Variants in JMJD1C observed in about 807,000 individuals in gnomAD.
JMJD1C encodes jumonji domain containing 1C.
JMJD1C carries 31 observed loss-of-function variants against 245.3 expected under a neutral mutation model. The observed-to-expected ratio is 0.13, with a 90% confidence interval of 0.09 to 0.17. The LOEUF is 0.17. JMJD1C is among the 10% of genes least tolerant of loss of function. The pLI, the probability that JMJD1C is intolerant of heterozygous loss-of-function variation, is 1.00. For synonymous variants in JMJD1C, 1,057 were observed against 1,017.4 expected (o/e 1.04, Z -0.74); for missense variants, 2,691 against 3,000.2 (o/e 0.90, Z 2.41).
At position 63,465,941 on chromosome 10, in the gene JMJD1C, G is replaced by A. The variant is rs1384531394; in HGVS notation, c.-279C>T. On this transcript the variant is annotated 5_prime_UTR_variant, in exon 1 of 26. Transcript: ENST00000399262. ...CAACGCGGCCGTCGAAGACCCCGAGGCAGCCCAGCCGCCGCCACCGCGCCG... is the reference window on the plus strand; with the variant it reads ...CAACGCGGCCGTCGAAGACCCCGAGACAGCCCAGCCGCCGCCACCGCGCCG... 1 of 555,242 alleles carries A rather than the reference G, an allele frequency of 1.8e-6. No individual in the cohort carries two copies. Among genetic ancestry groups the A allele is most frequent in the Admixed American group, 2.7e-5 (1 of 37,082 alleles). The allele number at this position is 555,242 out of a possible 1,614,324, so 34.4% of individuals were successfully genotyped here.
At chr10:63,253,991 T>G (rs1853485348) in intron 3 of JMJD1C, among the ~76,000 whole-genome samples, 1 of 152,198 alleles carries the variant, frequency 6.6e-6, no homozygotes, top group South Asian at 2.1e-4. Flanking sequence ...ATATATGAAT[T>G]AATGACTCTC....
Position 63,192,821 on chromosome 10 carries a change from A to C in JMJD1C, c.6076+117T>G. ...TGAACCTAACCCATAATTCAAGAAAAAGACCAAAGTAAATTGTTTACCTCA... is the reference window on the plus strand; with the variant it reads ...TGAACCTAACCCATAATTCAAGAAACAGACCAAAGTAAATTGTTTACCTCA... On this transcript the variant is annotated intron_variant, in intron 16 of 25. Coordinates refer to ENST00000399262, the MANE Select transcript of JMJD1C (RefSeq NM_032776.3). 9 of 778,046 alleles carry C rather than the reference A, an allele frequency of 1.2e-5. No homozygotes were observed. The South Asian group carries it at 1.5e-4, about 13-fold the overall frequency. 48.2% of individuals were successfully genotyped at this position (778,046 alleles called of 1,614,324 possible).
intron 1 of JMJD1C, among the ~76,000 whole-genome samples, chr10:63,383,275 T>G (rs1947353217): frequency 6.6e-6 from 1 of 151,502 alleles, no homozygotes; most frequent in Admixed American, 6.6e-5. Flanking sequence ...TCATTAAAGC[T>G]TATCTATTAG....
At chr10:63,331,560 T>C (rs1327057818) in intron 2 of JMJD1C, among the ~76,000 whole-genome samples, 1 of 152,244 alleles carries the variant, frequency 6.6e-6, no homozygotes, top group Non-Finnish European at 1.5e-5. Flanking sequence ...CCTCCATTTG[T>C]TTCTAGGGTG....
At chr10:63,256,297 T>A (rs1371945594) in intron 3 of JMJD1C, among the ~76,000 whole-genome samples, 2 of 152,196 alleles carry the variant, frequency 1.3e-5, no homozygotes, top group Non-Finnish European at 1.5e-5. Context: ...GCTCCTTTTT[T>A]AAATAGCAAC....
At chr10:63,226,734 A>AAG (rs1422661297) in intron 3 of JMJD1C, among the ~76,000 whole-genome samples, 3,907 of 143,916 alleles carry the variant, frequency 0.027, 120 homozygotes, top group African/African-American at 0.047. Flanking sequence ...AAAAAAAAAA[A>AAG]AGAGAGAGAG....
chr10:63,174,459 C>G (rs938111432), intron 24 of JMJD1C, among the ~76,000 whole-genome samples: 6 of 152,162 alleles, frequency 3.9e-5, no homozygotes, highest in African/African-American at 1.4e-4. Context: ...AAATTTACAG[C>G]ATACTCATAA....
intron 3 of JMJD1C, among the ~76,000 whole-genome samples, chr10:63,257,107 C>T (rs944728728): frequency 1.4e-4 from 21 of 151,298 alleles, no homozygotes; most frequent in African/African-American, 5.1e-4. Context: ...CGTGGTGGCT[C>T]GCACCTGTAG....
chr10:63,276,884 C>CTTTTTTT (rs760452367), intron 2 of JMJD1C, among the ~76,000 whole-genome samples: 56,496 of 95,634 alleles, frequency 0.59, 20,184 homozygotes, highest in African/African-American at 0.64. Flanking sequence ...AAGCTTGGGG[C>CTTTTTTT]TTTTTTTTTT....
intron 1 of JMJD1C, among the ~76,000 whole-genome samples, chr10:63,454,630 C>T (rs1006918059): frequency 5.9e-5 from 9 of 152,120 alleles, no homozygotes; most frequent in African/African-American, 1.4e-4. Flanking sequence ...AGGGTTTCAC[C>T]ATGTTGCCCA....
intron 2 of JMJD1C, among the ~76,000 whole-genome samples, chr10:63,321,895 C>T (rs1940916689): frequency 6.6e-6 from 1 of 152,184 alleles, no homozygotes; most frequent in South Asian, 2.1e-4. Context: ...TCAAAACAGC[C>T]TTTCTTCCAC....
At chr10:63,309,220 C>T (rs1259977511) in intron 2 of JMJD1C, among the ~76,000 whole-genome samples, 1 of 152,022 alleles carries the variant, frequency 6.6e-6, no homozygotes, top group African/African-American at 2.4e-5. Flanking sequence ...TCGCTGGGCA[C>T]GGGGGCTCAT....
intron 2 of JMJD1C, among the ~76,000 whole-genome samples, chr10:63,370,130 G>C (rs1946178900): frequency 6.6e-6 from 1 of 152,224 alleles, no homozygotes; most frequent in Admixed American, 6.5e-5. Context: ...ACAGGGAGAA[G>C]AGTCTGGACT....
At chr10:63,266,107 T>C (rs1391568036) in intron 2 of JMJD1C, among the ~76,000 whole-genome samples, 1 of 152,070 alleles carries the variant, frequency 6.6e-6, no homozygotes. Flanking sequence ...CTATGCTATC[T>C]ACATCATGAA....
intron 2 of JMJD1C, among the ~76,000 whole-genome samples, chr10:63,299,621 A>G (rs946649227): frequency 6.6e-6 from 1 of 152,152 alleles, no homozygotes; most frequent in African/African-American, 2.4e-5. Context: ...ATGCCCTACA[A>G]ATAATGTCAA....
Position 63,262,887 on chromosome 10 carries a change from T to C in JMJD1C, c.447+1764A>G, listed in dbSNP as rs938022439. Among the ~76,000 whole-genome samples, 3 of 152,190 alleles carry C rather than the reference T, an allele frequency of 2.0e-5. No individual in the cohort carries two copies. The East Asian group carries it at 5.8e-4, about 29-fold the overall frequency. On this transcript the variant is annotated intron_variant, in intron 3 of 25. Coordinates refer to ENST00000399262, the MANE Select transcript of JMJD1C (RefSeq NM_032776.3). ...TAATTTTCAAAAACATGTCGAGTTT[T>C]AGGCCACCTGGCAAGAGTTTATTTT...
At chr10:63,442,052 G>A (rs915280631) in intron 1 of JMJD1C, among the ~76,000 whole-genome samples, 34 of 152,282 alleles carry the variant, frequency 2.2e-4, no homozygotes, top group African/African-American at 7.9e-4. Context: ...ACTGATGACT[G>A]GTTGAGGTAA....
At position 63,193,096 on chromosome 10, in the gene JMJD1C, G is replaced by A; in HGVS notation, c.5918C>T (p.Ser1973Phe). ...CTTCGGAGGAGTATTTTGCTGCTGA[G>A]ACTCAGGCATGCACAGAGAAATTTT... Reference protein sequence around the residue: ...SNKISLCMPESQQQNTPPKSE... With the variant: ...SNKISLCMPEFQQQNTPPKSE... Residue 1973 changes from serine to phenylalanine, a missense_variant, in exon 16 of 26, where the codon TCT becomes TTT. Ser to Phe is a radical substitution (Grantham distance 155). Around this residue, in one of 9 missense-constraint regions of JMJD1C, gnomAD observed 275 missense variants for 285.5 expected, o/e 0.96. Coordinates refer to ENST00000399262, the MANE Select transcript of JMJD1C (RefSeq NM_032776.3). 1 of 1,614,016 alleles carries A rather than the reference G, an allele frequency of 6.2e-7. No homozygotes were observed. The highest frequency in any genetic ancestry group is 8.5e-7 in the Non-Finnish European group (1 of 1,180,002).
At chr10:63,201,078 C>A (rs985512608) in intron 10 of JMJD1C, among the ~76,000 whole-genome samples, 12 of 152,106 alleles carry the variant, frequency 7.9e-5, no homozygotes, top group African/African-American at 2.2e-4. Context: ...TTTCAAGATC[C>A]ACAGCAAGAA....
Sources: allele counts gnomAD v4.1 joint callset (sites outside exome capture counted in the v4.1 genomes callset), GRCh38; gene constraint gnomAD v4.1.1; regional missense constraint gnomAD v4.1.1; transcripts MANE v1.5; gene names NCBI Gene and HGNC (gene_info 2026-07-23, HGNC 2026-07-21).